Variants in SLC44A5 observed in about 807,000 individuals in gnomAD.
SLC44A5 encodes choline transporter-like protein 5.
SLC44A5 carries 57 observed loss-of-function variants against 101.8 expected under a neutral mutation model. That is an observed-to-expected ratio of 0.56 (90% CI 0.45 to 0.70). The LOEUF is 0.70. SLC44A5 is among the 30% of genes least tolerant of loss of function. The probability of loss-of-function intolerance (pLI) is 0.00; values close to 1 mark genes in which losing one functional copy is unlikely to be tolerated. For synonymous variants in SLC44A5, 281 were observed against 290.9 expected (o/e 0.97, Z 0.35); for missense variants, 737 against 853.1 (o/e 0.86, Z 1.70).
the SLC44A5 span, among the ~76,000 whole-genome samples, chr1:75,720,878 G>A: frequency 1.3e-5 from 2 of 151,742 alleles, no homozygotes; most frequent in African/African-American, 2.4e-5. Context: ...TAGGCGGGGG[G>A]AGGTTCCAGG....
chr1:75,480,985 A>G (rs1473828988), intron 2 of SLC44A5, among the ~76,000 whole-genome samples: 1 of 152,142 alleles, frequency 6.6e-6, no homozygotes, highest in Non-Finnish European at 1.5e-5. Context: ...GAGGCATCAC[A>G]CTACCTGACT....
chr1:75,294,762 G>C (rs1041766859), intron 5 of SLC44A5, among the ~76,000 whole-genome samples: 1 of 152,106 alleles, frequency 6.6e-6, no homozygotes, highest in Admixed American at 6.5e-5. Context: ...ATTATGCTAA[G>C]TGAAATAAAC....
At chr1:75,647,551 T>C in the SLC44A5 span, among the ~76,000 whole-genome samples, 1 of 152,134 alleles carries the variant, frequency 6.6e-6, no homozygotes, top group African/African-American at 2.4e-5. Context: ...AAGCCACAGA[T>C]ACTTAATACC....
intron 1 of SLC44A5, among the ~76,000 whole-genome samples, chr1:75,564,355 C>G (rs1352979158): frequency 6.6e-6 from 1 of 152,150 alleles, no homozygotes; most frequent in Admixed American, 6.6e-5. Flanking sequence ...ATTAACATCA[C>G]TATCAAAAGC....
chr1:75,673,293 T>C, the SLC44A5 span, among the ~76,000 whole-genome samples: 1 of 151,894 alleles, frequency 6.6e-6, no homozygotes, highest in Admixed American at 6.6e-5. Flanking sequence ...CTGTACTTGC[T>C]GTGGGTCGGG....
chr1:75,273,078 CTTG>C (rs139128539), intron 6 of SLC44A5, among the ~76,000 whole-genome samples: 7,621 of 151,976 alleles, frequency 0.05, 236 homozygotes, highest in Middle Eastern at 0.12. Flanking sequence ...CGTAGTTTTC[CTTG>C]TAGAGATCTT....
the SLC44A5 span, among the ~76,000 whole-genome samples, chr1:75,663,471 T>C: frequency 6.6e-6 from 1 of 152,172 alleles, no homozygotes; most frequent in Non-Finnish European, 1.5e-5. Context: ...TAATTTGTTG[T>C]AGCAGCCAAA....
chr1:75,483,461 A>G (rs1460439614), intron 2 of SLC44A5, among the ~76,000 whole-genome samples: 3 of 152,244 alleles, frequency 2.0e-5, no homozygotes, highest in Admixed American at 6.5e-5. Flanking sequence ...GATGTGCTCT[A>G]GCTAGGATTT....
intron 3 of SLC44A5, among the ~76,000 whole-genome samples, chr1:75,376,496 G>A (rs922736620): frequency 2.6e-4 from 39 of 152,314 alleles, no homozygotes; most frequent in Admixed American, 6.5e-4. Context: ...ATCTGAGAAC[G>A]GGCAGACTGC....
At chr1:75,411,942 G>T (rs950243310) in intron 2 of SLC44A5, among the ~76,000 whole-genome samples, 2 of 152,068 alleles carry the variant, frequency 1.3e-5, no homozygotes, top group Non-Finnish European at 2.9e-5. Flanking sequence ...GTTCTCTGTT[G>T]AATGACAATT....
chr1:75,486,701 G>C (rs558609672), intron 2 of SLC44A5, among the ~76,000 whole-genome samples: 2 of 152,166 alleles, frequency 1.3e-5, no homozygotes, highest in Non-Finnish European at 2.9e-5. Flanking sequence ...AACCCAGTGG[G>C]GCAGTCATTA....
the SLC44A5 span, among the ~76,000 whole-genome samples, chr1:75,692,677 G>A: frequency 6.6e-6 from 1 of 152,118 alleles, no homozygotes. Flanking sequence ...ATTGGTATTA[G>A]AACATTATTA....
At chr1:75,216,896 A>C (rs1646972706) in intron 18 of SLC44A5, among the ~76,000 whole-genome samples, 1 of 152,004 alleles carries the variant, frequency 6.6e-6, no homozygotes, top group Non-Finnish European at 1.5e-5. Flanking sequence ...TTCTTCCATC[A>C]TGTGGGCTGT....
At chr1:75,603,002 A>G (rs978649233) in intron 1 of SLC44A5, among the ~76,000 whole-genome samples, 6 of 151,930 alleles carry the variant, frequency 3.9e-5, no homozygotes, top group African/African-American at 9.7e-5. Context: ...TTTATTTTAG[A>G]TTCAGGGGGT....
chr1:75,442,489 T>C (rs1354330097), intron 2 of SLC44A5, among the ~76,000 whole-genome samples: 1 of 152,140 alleles, frequency 6.6e-6, no homozygotes, highest in African/African-American at 2.4e-5. Context: ...TCCTGTTGTG[T>C]TACTTTAGTA....
At chr1:75,426,082 A>AACTG (rs1326253052) in intron 2 of SLC44A5, among the ~76,000 whole-genome samples, 1 of 152,178 alleles carries the variant, frequency 6.6e-6, no homozygotes, top group Non-Finnish European at 1.5e-5. Context: ...AATACACTAA[A>AACTG]ACCTACTGAC....
At chr1:75,473,216 G>T (rs1019568318) in intron 2 of SLC44A5, among the ~76,000 whole-genome samples, 5 of 152,160 alleles carry the variant, frequency 3.3e-5, no homozygotes, top group Non-Finnish European at 5.9e-5. Context: ...GCCTACATGG[G>T]AGTTCCAGAG....
At chr1:75,708,351 T>A in the SLC44A5 span, among the ~76,000 whole-genome samples, 1 of 138,680 alleles carries the variant, frequency 7.2e-6, no homozygotes, top group South Asian at 2.2e-4. Flanking sequence ...GAGGTGGAGG[T>A]TTCAGTGAGC....
chr1:75,328,553 C>T (rs910960160), intron 4 of SLC44A5, among the ~76,000 whole-genome samples: 2 of 152,244 alleles, frequency 1.3e-5, no homozygotes, highest in South Asian at 2.1e-4. Context: ...CCCCCAGCTG[C>T]CAATTCATTA....
Sources: allele counts gnomAD v4.1 joint callset (sites outside exome capture counted in the v4.1 genomes callset), GRCh38; gene constraint gnomAD v4.1.1; transcripts MANE v1.5; gene names NCBI Gene and HGNC (gene_info 2026-07-23, HGNC 2026-07-21).